MYL1: variants seen among roughly 807,000 people sequenced by gnomAD.
The protein encoded by MYL1 is myosin light chain 1.
Under a neutral mutation model 21.8 loss-of-function variants are expected in MYL1, and 16 were observed. The ratio of observed to expected loss-of-function variants is 0.74; its 90% CI spans 0.50 to 1.12. MYL1 has a LOEUF of 1.12. Ranked by LOEUF, MYL1 falls within the 50% of genes most tolerant of loss-of-function variation. MYL1 has a pLI of 0.00. For missense variants in MYL1, 246 were observed against 241.0 expected, an observed-to-expected ratio of 1.02 and a Z score of -0.14; for synonymous variants, 99 against 85.2, an observed-to-expected ratio of 1.16 and a Z score of -0.89.
chr2:210,294,245 C>T lies in MYL1; in HGVS notation c.478G>A (p.Gly160Ser), dbSNP rs1452638879. ...AELRHVLATL[G>S]EKMKEEEVEA... is the part of the protein sequence containing the mutation. ...AGTCCACTGAAATAAATTCCCTTAC[C>T]CAGGGTGGCTAGAACATGGCGGAGT... Residue 160 changes from glycine (G) to serine (S), a missense_variant and splice_region_variant, in exon 4 of 7, where the codon GGT becomes AGT. By Grantham distance (56) the Gly-to-Ser change is moderately conservative. Coordinates refer to ENST00000352451, the MANE Select transcript of MYL1 (RefSeq NM_079420.3). 6.2e-7 allele frequency: 1 copy of T among 1,608,526 alleles called. No individual in the cohort carries two copies. Among genetic ancestry groups the T allele is most frequent in the Non-Finnish European group, 8.5e-7 (1 of 1,177,676 alleles).
chr2:210,303,836 G>A (rs181970928), intron 1 of MYL1, among the ~76,000 whole-genome samples: 2 of 152,228 alleles, frequency 1.3e-5, no homozygotes, highest in East Asian at 3.9e-4. Context: ...TACTTTTATG[G>A]TCTTTATTTC....
At chr2:210,302,788 A>C (rs149277744) in intron 1 of MYL1, 464 of 1,564,360 alleles carry the variant, frequency 3.0e-4, no homozygotes, top group Non-Finnish European at 3.8e-4. Context: ...GTCAGCACTG[A>C]AGGACTGCAG....
chr2:210,307,527 T>G (rs1208335939), intron 1 of MYL1, among the ~76,000 whole-genome samples: 1 of 152,210 alleles, frequency 6.6e-6, no homozygotes, highest in East Asian at 1.9e-4. Flanking sequence ...TTCCTTTAGA[T>G]TTTATATCAA....
At chr2:210,303,679 C>A in intron 1 of MYL1, 1 of 1,334,792 alleles carries the variant, frequency 7.5e-7, no homozygotes, top group Admixed American at 2.6e-5. Context: ...CAGCTAGCAT[C>A]AGGTTTCAGA....
At chr2:210,293,595 T>G in intron 5 of MYL1, 128 bp downstream of exon 5, 2 of 723,160 alleles carry the variant, frequency 2.8e-6, no homozygotes, top group South Asian at 3.5e-5. Context: ...CATATCTTTT[T>G]AGAGTTATGC....
At chr2:210,303,580 T>C (rs1305881662) in intron 1 of MYL1, 2 of 1,610,152 alleles carry the variant, frequency 1.2e-6, no homozygotes, top group East Asian at 4.5e-5. Context: ...GCAGGGAAGC[T>C]GAAGAGTGAG....
chr2:210,296,671 C>T (rs941324588), intron 3 of MYL1, among the ~76,000 whole-genome samples: 6 of 152,066 alleles, frequency 3.9e-5, no homozygotes, highest in African/African-American at 1.4e-4. Flanking sequence ...TGGTGCACAT[C>T]TGTAGTCTTA....
chr2:210,314,520 C>T (rs977443594), intron 1 of MYL1, among the ~76,000 whole-genome samples: 1 of 152,150 alleles, frequency 6.6e-6, no homozygotes, highest in South Asian at 2.1e-4. Context: ...GGGGCTAAAA[C>T]GTTCCTTTTG....
chr2:210,300,849 C>A (rs1477650833), intron 2 of MYL1, among the ~76,000 whole-genome samples: 1 of 152,064 alleles, frequency 6.6e-6, no homozygotes, highest in Non-Finnish European at 1.5e-5. Flanking sequence ...AATAGAGCAG[C>A]CATGAACAAA....
chr2:210,302,853 A>G (rs1690285841), intron 1 of MYL1: 2 of 1,528,352 alleles, frequency 1.3e-6, no homozygotes, highest in African/African-American at 1.4e-5. Flanking sequence ...ATGCATTGAC[A>G]GAAGAATGAG....
At chr2:210,314,888 A>G (rs1039332169) in intron 1 of MYL1, 23 bp downstream of exon 1, 2 of 1,613,502 alleles carry the variant, frequency 1.2e-6, no homozygotes, top group Non-Finnish European at 1.7e-6. Flanking sequence ...TTCAGTGACC[A>G]AACAGTTCAT....
chr2:210,299,597 T>C (rs1473912699), intron 2 of MYL1, among the ~76,000 whole-genome samples: 1 of 152,180 alleles, frequency 6.6e-6, no homozygotes, highest in Non-Finnish European at 1.5e-5. Context: ...TTTCTCTAAA[T>C]TTAATCATTC....
intron 1 of MYL1, 21 bp from the exon 2 acceptor site, chr2:210,302,536 A>C (rs1405997677): frequency 1.2e-6 from 2 of 1,606,764 alleles, no homozygotes; most frequent in Non-Finnish European, 1.7e-6. Context: ...GAAATTGACC[A>C]CAAAGAATGT....
chr2:210,307,944 T>C (rs904178318), intron 1 of MYL1, among the ~76,000 whole-genome samples: 2 of 152,158 alleles, frequency 1.3e-5, no homozygotes, highest in Non-Finnish European at 1.5e-5. Flanking sequence ...CTGGAACTGA[T>C]GTAGGTTAAG....
intron 2 of MYL1, among the ~76,000 whole-genome samples, chr2:210,299,053 C>A (rs1690224450): frequency 6.6e-6 from 1 of 152,154 alleles, no homozygotes; most frequent in South Asian, 2.1e-4. Context: ...CTTTAACCAG[C>A]TTTCTCCAGG....
At chr2:210,312,193 C>T (rs1359504527) in intron 1 of MYL1, among the ~76,000 whole-genome samples, 2 of 151,662 alleles carry the variant, frequency 1.3e-5, no homozygotes, top group African/African-American at 4.8e-5. Flanking sequence ...TAAATTTTAC[C>T]ATGGCTATGA....
intron 4 of MYL1, 147 bp from the exon 5 acceptor site, chr2:210,293,947 T>C (rs1690126404): frequency 4.1e-6 from 3 of 730,578 alleles, no homozygotes; most frequent in East Asian, 5.0e-5. Context: ...TAATATATTG[T>C]CAACTAATTG....
At position 210,290,225 on chromosome 2, in the gene MYL1, T is replaced by G. The variant is rs1211903946; in HGVS notation, c.*257A>C. 1 of 152,210 alleles carries G rather than the reference T, an allele frequency of 6.6e-6. No individual in the cohort carries two copies. The highest frequency in any genetic ancestry group is 1.5e-5 in the Non-Finnish European group (1 of 68,032). 9.4% of individuals were successfully genotyped at this position (152,210 alleles called of 1,614,324 possible). On this transcript the variant is annotated 3_prime_UTR_variant, in exon 7 of 7. Transcript: ENST00000352451. ...TTGATTCATGGTAGATAATAAAGAA[T>G]GGTGCTTGGATTTGAGATTGTCAAT...
chr2:210,292,500 T>C (rs1690093551), intron 5 of MYL1, among the ~76,000 whole-genome samples: 1 of 152,236 alleles, frequency 6.6e-6, no homozygotes, highest in South Asian at 2.1e-4. Flanking sequence ...TGATCTTTTA[T>C]TAATTTGTAG....
Sources: allele counts gnomAD v4.1 joint callset (sites outside exome capture counted in the v4.1 genomes callset), GRCh38; gene constraint gnomAD v4.1.1; transcripts MANE v1.5; gene names NCBI Gene and HGNC (gene_info 2026-07-23, HGNC 2026-07-21).